The following CD200 variants were observed in gnomAD, a reference collection of about 807,000 sequenced individuals.
CD200 encodes CD200 molecule.
Under a neutral mutation model 30.9 loss-of-function variants are expected in CD200, and 15 were observed. That is an observed-to-expected ratio of 0.49 (90% CI 0.32 to 0.75). CD200 has a LOEUF of 0.75. Among genes scored for constraint, CD200 ranks in the 30% least tolerant of loss-of-function variants. CD200 has a pLI of 0.03. For missense variants in CD200, 262 were observed against 324.2 expected (o/e 0.81, Z 1.47); for synonymous variants, 134 against 126.2 (o/e 1.06, Z -0.41).
chr3:112,342,423 TTC>T (rs1380317193), intron 2 of CD200, among the ~76,000 whole-genome samples: 2 of 92,948 alleles, frequency 2.2e-5, no homozygotes, highest in African/African-American at 8.1e-5. Flanking sequence ...CTTTCTTTCT[TTC>T]TTTCTTCTCT....
At chr3:112,338,555 G>A (rs1489892139) in intron 1 of CD200, among the ~76,000 whole-genome samples, 1 of 152,174 alleles carries the variant, frequency 6.6e-6, no homozygotes, top group Non-Finnish European at 1.5e-5. Context: ...CATGTTTGTA[G>A]GTGCTGAGCT....
chr3:112,344,991 C>A lies in CD200; in HGVS notation c.124C>A (p.Gln42Lys). 1.9e-6 allele frequency: 3 copies of A among 1,613,642 alleles called. No individual in the cohort carries two copies. Among genetic ancestry groups the A allele is most frequent in the Non-Finnish European group, 2.5e-6 (3 of 1,179,752 alleles). Residue 42 changes from glutamine (Q) to lysine (K), a missense_variant, in exon 3 of 6, where the codon CAG (glutamine) becomes AAG (lysine). By Grantham distance (53) the Gln-to-Lys change is moderately conservative (BLOSUM62 1). Transcript: ENST00000315711. ...VQVVTQDERE[Q>K]LYTPASLKCS... ...AGTGGTGACCCAGGATGAAAGAGAG[C>A]AGCTGTACACACCTGCTTCCTTAAA...
At position 112,342,349 on chromosome 3, in the gene CD200, C is replaced by CTTTCT. The variant is rs1559783284; in HGVS notation, c.94+1369_94+1373dup. ...TCTTTCTTTCTTTCCTTCTTTCTTT[C>CTTTCT]TTTCTTTCTTTCTTTCTTTCTTTCT... is the stretch of plus-strand genomic sequence containing the variant. On this transcript the variant is annotated intron_variant, in intron 2 of 5. Transcript: ENST00000315711. 5.3e-5 allele frequency among the ~76,000 whole-genome samples: 2 copies of CTTTCT among 37,868 alleles called. 1 individual carries two copies. Among genetic ancestry groups the CTTTCT allele is most frequent in the Non-Finnish European group, 1.1e-4 (2 of 18,362 alleles). 24.8% of individuals were successfully genotyped at this position (37,868 alleles called of 152,430 possible). A position where few individuals can be genotyped will look rare whatever the true frequency, so the allele number is the denominator to read the frequency against.
At chr3:112,342,305 CCTTT>C (rs1324672406) in intron 2 of CD200, among the ~76,000 whole-genome samples, 3 of 49,132 alleles carry the variant, frequency 6.1e-5, no homozygotes, top group Non-Finnish European at 1.3e-4. Flanking sequence ...TTCCTTCCTT[CCTTT>C]CTTCTTTCTT....
chr3:112,357,060 G>A (rs774523227), intron 5 of CD200, among the ~76,000 whole-genome samples: 34 of 152,068 alleles, frequency 2.2e-4, no homozygotes, highest in Non-Finnish European at 4.1e-4. Flanking sequence ...AGAAGATCGA[G>A]ACCATCCTGG....
chr3:112,355,730 T>C (rs1241686370), intron 5 of CD200, among the ~76,000 whole-genome samples: 3 of 152,172 alleles, frequency 2.0e-5, no homozygotes, highest in African/African-American at 7.2e-5. Flanking sequence ...AAAATTCCCA[T>C]TTATAGGCCC....
chr3:112,349,649 T>TATTGCTTTATCAC, intron 4 of CD200, 63 bp from the exon 5 acceptor site: 3 of 1,453,714 alleles, frequency 2.1e-6, no homozygotes, highest in Non-Finnish European at 2.8e-6. Context: ...AGCTCAACTC[T>TATTGCTTTATCAC]TTTTGCCTCA....
rs2081764475 is a variant in CD200 at position 112,362,786 on chromosome 3, T to A, written c.*1236T>A. ...GTTTCTTATATTTGTAGTAAAATAT[T>A]GAACAATTAAAAGTGTTGACTCCAA... On this transcript the variant is annotated 3_prime_UTR_variant, in exon 6 of 6. Transcript: ENST00000315711. The A allele has an allele frequency of 6.6e-6, 1 of 152,586 alleles. No individual in the cohort carries two copies. Among genetic ancestry groups the A allele is most frequent in the African/African-American group, 2.4e-5 (1 of 41,440 alleles). 9.5% of individuals were successfully genotyped at this position (152,586 alleles called of 1,614,324 possible).
chr3:112,334,160 C>A (rs2081061354), intron 1 of CD200: 3 of 985,138 alleles, frequency 3.0e-6, no homozygotes, highest in Non-Finnish European at 3.6e-6. Flanking sequence ...ATTATTACCT[C>A]GTTTTACACA....
chr3:112,335,891 C>T (rs995572394), intron 1 of CD200: 5 of 1,320,214 alleles, frequency 3.8e-6, no homozygotes, highest in Admixed American at 3.4e-5. Context: ...CCCAAGAGAG[C>T]TGAGACAATA....
chr3:112,333,053 T>C (rs1410520190), upstream of CD200: 3 of 1,010,770 alleles, frequency 3.0e-6, no homozygotes, highest in Admixed American at 2.1e-5. Flanking sequence ...CCTCCGCTCC[T>C]GTGAGGGCGT....
At chr3:112,340,744 T>C (rs569870605) in intron 1 of CD200, among the ~76,000 whole-genome samples, 158 bp from the exon 2 acceptor site, 2 of 152,202 alleles carry the variant, frequency 1.3e-5, no homozygotes, top group Non-Finnish European at 2.9e-5. Context: ...TTATTATTTC[T>C]TCCATTTATA....
Position 112,347,589 on chromosome 3 carries a change from C to T in CD200, c.453C>T (p.Phe151=), listed in dbSNP as rs202184567. The T allele has an allele frequency of 1.2e-5, 19 of 1,613,814 alleles. No homozygotes were observed. In the South Asian group the frequency reaches 1.9e-4, roughly 16 times the overall value. The change falls in exon 4 of 6, where the codon TTC becomes TTT. Residue 151 remains phenylalanine, a synonymous_variant. Transcript: ENST00000315711. ...CCATAGTATCCCTTCACTACAAATT[C>T]TCTGAAGACCACCTAAATATCACTT... ...VQPIVSLHYK[F]SEDHLNITCS... is the part of the protein sequence containing the mutation.
chr3:112,334,030 G>C, intron 1 of CD200: 1 of 985,426 alleles, frequency 1.0e-6, no homozygotes, highest in Non-Finnish European at 1.2e-6. Flanking sequence ...TTGTTGGCAA[G>C]ACCACATAGC....
intron 5 of CD200, among the ~76,000 whole-genome samples, chr3:112,354,238 A>T (rs2081587180): frequency 6.6e-6 from 1 of 152,138 alleles, no homozygotes; most frequent in Non-Finnish European, 1.5e-5. Flanking sequence ...CTGCCCAATA[A>T]TTCAATGTGT....
intron 2 of CD200, among the ~76,000 whole-genome samples, chr3:112,343,235 A>G (rs2081308982): frequency 6.6e-6 from 1 of 151,862 alleles, no homozygotes; most frequent in African/African-American, 2.4e-5. Flanking sequence ...TATAGTGTAT[A>G]TAATATAAAC....
chr3:112,340,736 A>G (rs72952405), intron 1 of CD200, among the ~76,000 whole-genome samples, 166 bp from the exon 2 acceptor site: 10,341 of 152,170 alleles, frequency 0.068, 1,166 homozygotes, highest in African/African-American at 0.23. Flanking sequence ...AGCATGCTTT[A>G]TTATTTCTTC....
chr3:112,344,952 G>T lies in CD200; in HGVS notation c.95-10G>T. On this transcript the variant is annotated splice_polypyrimidine_tract_variant and intron_variant, in intron 2 of 5. Transcript: ENST00000315711. Reference sequence around the variant, plus strand: ...TCTTTAAATATAAATGTTCTTTTATGATTCCATAGTGCAAGTGGTGACCCA... The same window carrying T: ...TCTTTAAATATAAATGTTCTTTTATTATTCCATAGTGCAAGTGGTGACCCA... The T allele has an allele frequency of 6.4e-7, 1 of 1,572,254 alleles. No homozygotes were observed. The highest frequency in any genetic ancestry group is 1.2e-5 in the South Asian group (1 of 86,182).
intron 1 of CD200, chr3:112,333,932 C>T (rs1037429603): frequency 3.1e-6 from 3 of 983,324 alleles, no homozygotes; most frequent in African/African-American, 3.5e-5. Flanking sequence ...TTCATATATC[C>T]CATTGGTATA....
Sources: gnomAD v4.1 joint callset for allele counts (sites outside exome capture counted in the v4.1 genomes callset) on GRCh38, gnomAD v4.1.1 for gene constraint, MANE v1.5 for transcripts, NCBI Gene and HGNC (gene_info 2026-07-23, HGNC 2026-07-21) for gene names.